TSSK2: variants seen among roughly 807,000 people sequenced by gnomAD.
TSSK2 encodes the protein testis-specific serine/threonine-protein kinase 2.
A neutral mutation model predicts 14.2 loss-of-function variants in TSSK2; 5 were observed. That is an observed-to-expected ratio of 0.35 (90% confidence interval 0.18 to 0.74). TSSK2 has a LOEUF of 0.74. TSSK2 is among the 30% of genes least tolerant of loss of function. TSSK2 has a pLI of 0.56. For missense variants in TSSK2, 439 were observed against 491.1 expected (o/e 0.89, Z 1.00); for synonymous variants, 209 against 201.9 (o/e 1.04, Z -0.30).
At position 19,132,290 on chromosome 22, in the gene TSSK2, C is replaced by A. The variant is rs751941684; in HGVS notation, c.891C>A (p.Cys297Ter). ...REGEGKYRAE[C>*]KLDTKTGLRP... Reference sequence around the variant, plus strand: ...GGGAGGGCAAGTACCGCGCTGAGTGCAAACTGGACACCAAGACAGGCTTGA... The same window carrying A: ...GGGAGGGCAAGTACCGCGCTGAGTGAAAACTGGACACCAAGACAGGCTTGA... The change falls in exon 1 of 1, where the codon TGC (cysteine) becomes TGA (stop). Residue 297 changes from cysteine to a stop codon, truncating the protein, a stop_gained. Transcript: ENST00000399635. LOFTEE classifies it high-confidence loss of function. This position sits in a 1 kb window ranked among gnomAD's most constrained non-coding sequence, Gnocchi z 4.2. 29 of 1,613,406 alleles carry A rather than the reference C, an allele frequency of 1.8e-5. No individual in the cohort carries two copies. Among genetic ancestry groups the A allele is most frequent in the Non-Finnish European group, 2.5e-6 (3 of 1,180,008 alleles).
Position 19,131,825 on chromosome 22 carries a change from T to A in TSSK2, c.426T>A (p.Leu142=). 2 of 1,613,968 alleles carry A rather than the reference T, an allele frequency of 1.2e-6. No homozygotes were observed. The highest frequency in any genetic ancestry group is 8.5e-7 in the Non-Finnish European group (1 of 1,180,006). Residue 142 remains leucine (L), a synonymous_variant, in exon 1 of 1, where the codon CTT becomes CTA. Transcript: ENST00000399635. The surrounding 1 kb of genome is among the most constrained non-coding windows in gnomAD (Gnocchi z 5.7). ...ACCGGGACCTCAAGTGCGAGAACCTTCTCCTCGACAAGGACTTCAACATCA... is the reference window on the plus strand; with the variant it reads ...ACCGGGACCTCAAGTGCGAGAACCTACTCCTCGACAAGGACTTCAACATCA... The part of the protein sequence containing the change: ...IVHRDLKCEN[L]LLDKDFNIKL...
In TSSK2 at chr22:19,131,940, T is replaced by C. The variant is rs751088788; in HGVS notation, c.541T>C (p.Tyr181His). 6 of 1,614,030 alleles carry C rather than the reference T, an allele frequency of 3.7e-6. No individual in the cohort carries two copies. The Admixed American group carries it at 8.3e-5, about 22-fold the overall frequency. The change falls in exon 1 of 1, where the codon TAT becomes CAT. Residue 181 changes from tyrosine to histidine, a missense_variant. By Grantham distance (83) the Tyr-to-His change is moderately conservative. Coordinates refer to ENST00000399635, the MANE Select transcript of TSSK2 (RefSeq NM_053006.5). The surrounding 1 kb of genome is among the most constrained non-coding windows in gnomAD (Gnocchi z 5.7). The stretch of plus-strand genomic sequence containing the variant: ...CAAGACCTTCTGCGGGTCGGCAGCA[T>C]ATGCAGCCCCCGAGGTGCTGCAGAG... ...LSKTFCGSAA[Y>H]AAPEVLQSIP... is the part of the protein sequence containing the mutation.
Position 19,131,479 on chromosome 22 carries a change from A to T in TSSK2, c.80A>T (p.Lys27Ile), listed in dbSNP as rs3747052. 1.2e-6 allele frequency: 2 copies of T among 1,614,056 alleles called. No individual in the cohort carries two copies. ...NLGKGSYAKV[K>I]SAYSERLKFN... The stretch of plus-strand genomic sequence containing the variant: ...GGCAAGGGTTCCTACGCAAAAGTCA[A>T]ATCTGCCTACTCTGAGCGCCTCAAG... The change falls in exon 1 of 1, where the codon AAA becomes ATA. Residue 27 changes from lysine (K) to isoleucine (I), a missense_variant. Physicochemically the swap from Lys to Ile is moderately radical, Grantham distance 102. Coordinates refer to ENST00000399635, the MANE Select transcript of TSSK2 (RefSeq NM_053006.5). The surrounding 1 kb of genome is among the most constrained non-coding windows in gnomAD (Gnocchi z 5.7).
Position 19,132,410 on chromosome 22 carries a change from G to A in TSSK2, c.1011G>A (p.Leu337=). The A allele has an allele frequency of 6.2e-7, 1 of 1,612,964 alleles. No homozygotes were observed. Among genetic ancestry groups the A allele is most frequent in the Non-Finnish European group, 8.5e-7 (1 of 1,180,000 alleles). The change falls in exon 1 of 1, where the codon CTG becomes CTA. Residue 337 remains leucine, a synonymous_variant. Coordinates refer to ENST00000399635, the MANE Select transcript of TSSK2 (RefSeq NM_053006.5). This position sits in a 1 kb window ranked among gnomAD's most constrained non-coding sequence, Gnocchi z 4.2. ...PENENRMEDR[L]AETSRAKDHH... The stretch of plus-strand genomic sequence containing the variant: ...ACGAGAACAGGATGGAGGACAGGCT[G>A]GCCGAGACCTCCAGGGCCAAAGACC...
In TSSK2 at chr22:19,132,580, C is replaced by T; in HGVS notation, c.*104C>T. ...AGGCAGGTAGGATCTGAAGAAGGCACAGGTGCAAGTAAAATTCGTCAATTA... is the reference window on the plus strand; with the variant it reads ...AGGCAGGTAGGATCTGAAGAAGGCATAGGTGCAAGTAAAATTCGTCAATTA... On this transcript the variant is annotated 3_prime_UTR_variant, in exon 1 of 1. Transcript: ENST00000399635. The surrounding 1 kb of genome is among the most constrained non-coding windows in gnomAD (Gnocchi z 4.2). 1 of 1,169,010 alleles carries T rather than the reference C, an allele frequency of 8.6e-7. No homozygotes were observed. Among genetic ancestry groups the T allele is most frequent in the South Asian group, 1.5e-5 (1 of 67,324 alleles). 72.4% of individuals were successfully genotyped at this position (1,169,010 alleles called of 1,614,324 possible).
In TSSK2 at chr22:19,132,138, G is replaced by A. The variant is rs758441948; in HGVS notation, c.739G>A (p.Asp247Asn). The A allele has an allele frequency of 6.0e-5, 96 of 1,613,040 alleles. No individual in the cohort carries two copies. Among genetic ancestry groups the A allele is most frequent in the Non-Finnish European group, 8.1e-5 (96 of 1,179,240 alleles). The change falls in exon 1 of 1, where the codon GAC (aspartate) becomes AAC (asparagine). Residue 247 changes from aspartate (D) to asparagine (N), a missense_variant. Physicochemically the swap from Asp to Asn is conservative, Grantham distance 23 (BLOSUM62 1). Transcript: ENST00000399635. This position sits in a 1 kb window ranked among gnomAD's most constrained non-coding sequence, Gnocchi z 4.2. Reference sequence around the variant, plus strand: ...CAAGAACCTGACCTGCGAGTGCAAGGACCTCATCTACCGCATGCTGCAGCC... The same window carrying A: ...CAAGAACCTGACCTGCGAGTGCAAGAACCTCATCTACCGCATGCTGCAGCC... ...RSKNLTCECK[D>N]LIYRMLQPDV...
At position 19,132,467 on chromosome 22, in the gene TSSK2, A is replaced by G. The variant is rs1227228871; in HGVS notation, c.1068A>G (p.Ala356=). 1 of 1,608,876 alleles carries G rather than the reference A, an allele frequency of 6.2e-7. No homozygotes were observed. The highest frequency in any genetic ancestry group is 8.5e-7 in the Non-Finnish European group (1 of 1,177,326). ...TCTCCGGAGCTGAGGTGGGGAAAGC[A>G]AGCACCTAGCATGACAATGGCCCCG... The part of the protein sequence containing the change: ...HHISGAEVGK[A]ST Residue 356 remains alanine (A), a synonymous_variant, in exon 1 of 1, where the codon GCA becomes GCG. Transcript: ENST00000399635. The surrounding 1 kb of genome is among the most constrained non-coding windows in gnomAD (Gnocchi z 4.2).
rs776082189 is a variant in TSSK2, at chr22:19,132,087, G to GT, written c.688_689insT (p.Glu230ValfsTer36). Reference sequence around the variant, plus strand: ...CAGGAAGATGCTGCGTATCCAGAAGGAGCACCGTGTGGACTTCCCGCGCTC... The same window carrying GT: ...CAGGAAGATGCTGCGTATCCAGAAGGTAGCACCGTGTGGACTTCCCGCGCTC... On this transcript the variant is annotated frameshift_variant, in exon 1 of 1. Transcript: ENST00000399635. LOFTEE classifies it high-confidence loss of function. This position sits in a 1 kb window ranked among gnomAD's most constrained non-coding sequence, Gnocchi z 4.2. The GT allele has an allele frequency of 6.2e-6, 10 of 1,613,474 alleles. No homozygotes were observed. The highest frequency in any genetic ancestry group is 1.7e-5 in the Admixed American group (1 of 59,978).
chr22:19,132,258 A>G lies in TSSK2; in HGVS notation c.859A>G (p.Arg287Gly). Reference sequence around the variant, plus strand: ...AGCCACGTCTTCTGCCTCCTTCAAGAGGGAGGGGGAGGGCAAGTACCGCGC... The same window carrying G: ...AGCCACGTCTTCTGCCTCCTTCAAGGGGGAGGGGGAGGGCAAGTACCGCGC... ...PKATSSASFK[R>G]EGEGKYRAEC... Residue 287 changes from arginine (R) to glycine (G), a missense_variant, in exon 1 of 1, where the codon AGG (arginine) becomes GGG (glycine). Coordinates refer to ENST00000399635, the MANE Select transcript of TSSK2 (RefSeq NM_053006.5). The surrounding 1 kb of genome is among the most constrained non-coding windows in gnomAD (Gnocchi z 4.2). 1 of 1,611,954 alleles carries G rather than the reference A, an allele frequency of 6.2e-7. No homozygotes were observed. Among genetic ancestry groups the G allele is most frequent in the Non-Finnish European group, 8.5e-7 (1 of 1,178,708 alleles).
rs201930481 is a variant in TSSK2 at position 19,131,532 on chromosome 22, C to A, written c.133C>A (p.Arg45Ser). The A allele has an allele frequency of 6.2e-6, 10 of 1,614,010 alleles. No individual in the cohort carries two copies. The highest frequency in any genetic ancestry group is 8.5e-6 in the Non-Finnish European group (10 of 1,180,046). Reference sequence around the variant, plus strand: ...CAATGTGGCTGTCAAGATCATCGACCGCAAGAAAACACCTACTGACTTTGT... The same window carrying A: ...CAATGTGGCTGTCAAGATCATCGACAGCAAGAAAACACCTACTGACTTTGT... ...KFNVAVKIID[R>S]KKTPTDFVER... Residue 45 changes from arginine to serine, a missense_variant, in exon 1 of 1, where the codon CGC becomes AGC. By Grantham distance (110) the Arg-to-Ser change is moderately radical. Coordinates refer to ENST00000399635, the MANE Select transcript of TSSK2 (RefSeq NM_053006.5). The surrounding 1 kb of genome is among the most constrained non-coding windows in gnomAD (Gnocchi z 5.7).
Position 19,131,995 on chromosome 22 carries a change from T to A in TSSK2, c.596T>A (p.Ile199Asn). The change falls in exon 1 of 1, where the codon ATC (isoleucine) becomes AAC (asparagine). Residue 199 changes from isoleucine (I) to asparagine (N), a missense_variant. Physicochemically the swap from Ile to Asn is moderately radical, Grantham distance 149. Coordinates refer to ENST00000399635, the MANE Select transcript of TSSK2 (RefSeq NM_053006.5). The surrounding 1 kb of genome is among the most constrained non-coding windows in gnomAD (Gnocchi z 5.7). ...SIPYQPKVYD[I>N]WSLGVILYIM... is the part of the protein sequence containing the mutation. ...CCCTACCAGCCCAAGGTGTATGACA[T>A]CTGGAGCCTGGGCGTGATCCTGTAC... is the stretch of plus-strand genomic sequence containing the variant. The A allele has an allele frequency of 6.2e-7, 1 of 1,614,124 alleles. No homozygotes were observed. The highest frequency in any genetic ancestry group is 1.1e-5 in the South Asian group (1 of 91,084).
chr22:19,131,563 G>C lies in TSSK2; in HGVS notation c.164G>C (p.Arg55Thr). The C allele has an allele frequency of 6.2e-7, 1 of 1,614,176 alleles. No homozygotes were observed. The highest frequency in any genetic ancestry group is 8.5e-7 in the Non-Finnish European group (1 of 1,180,038). ...AAAACACCTACTGACTTTGTGGAGA[G>C]ATTCCTTCCTCGGGAGATGGACATC... ...RKKTPTDFVE[R>T]FLPREMDILA... The change falls in exon 1 of 1, where the codon AGA (arginine) becomes ACA (threonine). Residue 55 changes from arginine (R) to threonine (T), a missense_variant. Arg to Thr is a moderately conservative substitution (Grantham distance 71, BLOSUM62 -1). Transcript: ENST00000399635. The surrounding 1 kb of genome is among the most constrained non-coding windows in gnomAD (Gnocchi z 5.7).
Position 19,132,116 on chromosome 22 carries a change from G to C in TSSK2, c.717G>C (p.Lys239Asn), listed in dbSNP as rs562456158. 9 of 1,612,714 alleles carry C rather than the reference G, an allele frequency of 5.6e-6. No homozygotes were observed. The highest frequency in any genetic ancestry group is 7.6e-6 in the Non-Finnish European group (9 of 1,178,960). ...KEHRVDFPRS[K>N]NLTCECKDLI... ...ACCGTGTGGACTTCCCGCGCTCCAA[G>C]AACCTGACCTGCGAGTGCAAGGACC... The change falls in exon 1 of 1, where the codon AAG becomes AAC. Residue 239 changes from lysine to asparagine, a missense_variant. Lys to Asn is a moderately conservative substitution (Grantham distance 94). Transcript: ENST00000399635. The surrounding 1 kb of genome is among the most constrained non-coding windows in gnomAD (Gnocchi z 4.2).
In TSSK2 at chr22:19,131,703, A is replaced by G. The variant is rs375973970; in HGVS notation, c.304A>G (p.Ile102Val). The G allele has an allele frequency of 4.3e-6, 7 of 1,614,046 alleles. No homozygotes were observed. The African/African-American group carries it at 9.3e-5, about 22-fold the overall frequency. Reference protein sequence around the residue: ...LGVQGDLLEFIKCQGALHEDV... With the variant: ...LGVQGDLLEFVKCQGALHEDV... The stretch of plus-strand genomic sequence containing the variant: ...CGTCCAGGGCGACCTCCTCGAGTTC[A>G]TCAAGTGCCAGGGAGCCCTGCATGA... Residue 102 changes from isoleucine to valine, a missense_variant, in exon 1 of 1, where the codon ATC becomes GTC. Ile to Val is a conservative substitution (Grantham distance 29). Coordinates refer to ENST00000399635, the MANE Select transcript of TSSK2 (RefSeq NM_053006.5). This position sits in a 1 kb window ranked among gnomAD's most constrained non-coding sequence, Gnocchi z 5.7.
rs374703905 is a variant in TSSK2 at position 19,132,266 on chromosome 22, G to T, written c.867G>T (p.Gly289=). 18 of 1,612,634 alleles carry T rather than the reference G, an allele frequency of 1.1e-5. No homozygotes were observed. The highest frequency in any genetic ancestry group is 2.7e-5 in the African/African-American group (2 of 74,880). The change falls in exon 1 of 1, where the codon GGG becomes GGT. Residue 289 remains glycine (G), a synonymous_variant. Coordinates refer to ENST00000399635, the MANE Select transcript of TSSK2 (RefSeq NM_053006.5). This position sits in a 1 kb window ranked among gnomAD's most constrained non-coding sequence, Gnocchi z 4.2. ...CTTCTGCCTCCTTCAAGAGGGAGGGGGAGGGCAAGTACCGCGCTGAGTGCA... is the reference window on the plus strand; with the variant it reads ...CTTCTGCCTCCTTCAAGAGGGAGGGTGAGGGCAAGTACCGCGCTGAGTGCA... ...ATSSASFKRE[G]EGKYRAECKL...
chr22:19,132,312 T>C lies in TSSK2; in HGVS notation c.913T>C (p.Leu305=), dbSNP rs185310637. The change falls in exon 1 of 1, where the codon TTG becomes CTG. Residue 305 remains leucine, a synonymous_variant. Transcript: ENST00000399635. This position sits in a 1 kb window ranked among gnomAD's most constrained non-coding sequence, Gnocchi z 4.2. ...GTGCAAACTGGACACCAAGACAGGC[T>C]TGAGGCCCGACCACCGGCCCGACCA... ...AECKLDTKTG[L]RPDHRPDHKL... 1 of 1,612,782 alleles carries C rather than the reference T, an allele frequency of 6.2e-7. No individual in the cohort carries two copies. Among genetic ancestry groups the C allele is most frequent in the East Asian group, 2.2e-5 (1 of 44,858 alleles).
rs1013056839 is a variant in TSSK2 at position 19,132,608 on chromosome 22, C to G, written c.*132C>G. The G allele has an allele frequency of 5.3e-5, 48 of 900,890 alleles. 1 individual carries two copies. The South Asian group carries it at 7.7e-4, about 14-fold the overall frequency. The allele number at this position is 900,890 out of a possible 1,614,324, so 55.8% of individuals were successfully genotyped here. A position where few individuals can be genotyped will look rare whatever the true frequency, so the allele number is the denominator to read the frequency against. ...GTGCAAGTAAAATTCGTCAATTAAACCACTATTTTGATTACGTTCCATTAG... is the reference window on the plus strand; with the variant it reads ...GTGCAAGTAAAATTCGTCAATTAAAGCACTATTTTGATTACGTTCCATTAG... On this transcript the variant is annotated 3_prime_UTR_variant, in exon 1 of 1. Transcript: ENST00000399635. The surrounding 1 kb of genome is among the most constrained non-coding windows in gnomAD (Gnocchi z 4.2).
In TSSK2 at chr22:19,131,320, T is replaced by TA. The variant is rs1276164611; in HGVS notation, c.-79dup. ...GGGCAGCCCAGCCAGACGCCTCCGG[T>TA]AGTGTAAATGAGGACAATGCCTGCT... On this transcript the variant is annotated 5_prime_UTR_variant, in exon 1 of 1. Coordinates refer to ENST00000399635, the MANE Select transcript of TSSK2 (RefSeq NM_053006.5). The surrounding 1 kb of genome is among the most constrained non-coding windows in gnomAD (Gnocchi z 5.7). The TA allele has an allele frequency of 1.9e-5, 24 of 1,287,516 alleles. No individual in the cohort carries two copies. The highest frequency in any genetic ancestry group is 2.5e-5 in the Non-Finnish European group (23 of 921,972). The allele number at this position is 1,287,516 out of a possible 1,614,324, so 79.8% of individuals were successfully genotyped here. A position where few individuals can be genotyped will look rare whatever the true frequency, so the allele number is the denominator to read the frequency against.
At position 19,131,987 on chromosome 22, in the gene TSSK2, G is replaced by A. The variant is rs1405056809; in HGVS notation, c.588G>A (p.Val196=). The change falls in exon 1 of 1, where the codon GTG becomes GTA. Residue 196 remains valine, a synonymous_variant. Coordinates refer to ENST00000399635, the MANE Select transcript of TSSK2 (RefSeq NM_053006.5). This position sits in a 1 kb window ranked among gnomAD's most constrained non-coding sequence, Gnocchi z 5.7. The stretch of plus-strand genomic sequence containing the variant: ...AGAGCATCCCCTACCAGCCCAAGGT[G>A]TATGACATCTGGAGCCTGGGCGTGA... ...VLQSIPYQPK[V]YDIWSLGVIL... 2.5e-6 allele frequency: 4 copies of A among 1,614,208 alleles called. No individual in the cohort carries two copies. In the South Asian group the frequency reaches 4.4e-5, roughly 18 times the overall value.
Sources: gnomAD v4.1 joint callset for allele counts on GRCh38, gnomAD v4.1.1 for gene constraint, Gnocchi (gnomAD v3.1) non-coding constraint, MANE v1.5 for transcripts, NCBI Gene and HGNC (gene_info 2026-07-23, HGNC 2026-07-21) for gene names.